The following MTMR3 variants were observed in gnomAD, a reference collection of about 807,000 sequenced individuals.
MTMR3 encodes myotubularin related protein 3, also known as phosphatidylinositol-3,5-bisphosphate 3-phosphatase MTMR3.
Under a neutral mutation model 132.4 loss-of-function variants are expected in MTMR3, and 32 were observed. That is an observed-to-expected ratio of 0.24 (90% CI 0.18 to 0.32). The LOEUF (loss-of-function observed/expected upper bound fraction) is 0.32. Among genes scored for constraint, MTMR3 ranks in the 10% least tolerant of loss-of-function variants. MTMR3 has a pLI of 1.00. For missense variants in MTMR3, 1,216 were observed against 1,489.6 expected, an observed-to-expected ratio of 0.82 and a Z score of 3.02; for synonymous variants, 556 against 550.3, an observed-to-expected ratio of 1.01 and a Z score of -0.14.
intron 3 of MTMR3, among the ~76,000 whole-genome samples, chr22:29,972,574 G>T (rs1018956570): frequency 6.6e-6 from 1 of 152,068 alleles, no homozygotes; most frequent in African/African-American, 2.4e-5. Flanking sequence ...GTTGTATTCC[G>T]TTTTCTTTTT....
chr22:30,022,285 A>G (rs1601441246), intron 18 of MTMR3, 146 bp downstream of exon 18: 5 of 654,168 alleles, frequency 7.6e-6, no homozygotes, highest in Non-Finnish European at 1.3e-5. Context: ...GCTCCTGGGA[A>G]CCCACATGAA....
intron 1 of MTMR3, among the ~76,000 whole-genome samples, chr22:29,892,009 C>T (rs2064808946): frequency 6.6e-6 from 1 of 151,904 alleles, no homozygotes; most frequent in Admixed American, 6.6e-5. Flanking sequence ...AAAAATTAGC[C>T]CAGCGTGGTG....
At chr22:29,933,928 T>G (rs2065696124) in intron 1 of MTMR3, among the ~76,000 whole-genome samples, 2 of 152,176 alleles carry the variant, frequency 1.3e-5, no homozygotes, top group Admixed American at 1.3e-4. Context: ...GATGCACTTG[T>G]GGTTGTCCAG....
intron 1 of MTMR3, among the ~76,000 whole-genome samples, chr22:29,940,235 G>A (rs959626203): frequency 6.6e-6 from 1 of 152,066 alleles, no homozygotes; most frequent in African/African-American, 2.4e-5. Context: ...GCCACTGCAC[G>A]CCAGCCTGGG....
At chr22:29,968,549 C>T (rs913805554) in intron 2 of MTMR3, among the ~76,000 whole-genome samples, 8 of 152,212 alleles carry the variant, frequency 5.3e-5, no homozygotes, top group African/African-American at 1.7e-4. Flanking sequence ...CCAATAAGTG[C>T]CTTTTTGCAC....
At chr22:29,948,284 C>T (rs577453855) in intron 1 of MTMR3, among the ~76,000 whole-genome samples, 1 of 152,262 alleles carries the variant, frequency 6.6e-6, no homozygotes, top group Admixed American at 6.5e-5. Context: ...TGGTCCTTGT[C>T]GATTTTTGAT....
chr22:29,977,001 C>T (rs879571523), intron 3 of MTMR3, among the ~76,000 whole-genome samples: 3 of 152,024 alleles, frequency 2.0e-5, no homozygotes, highest in Non-Finnish European at 2.9e-5. Flanking sequence ...TTAAAAATTG[C>T]TGTGTGGGGC....
chr22:29,954,059 C>CTTTTATTTTT (rs2066136050), intron 1 of MTMR3, among the ~76,000 whole-genome samples: 1 of 79,426 alleles, frequency 1.3e-5, no homozygotes, highest in Non-Finnish European at 2.2e-5. Context: ...TCAAATGAGT[C>CTTTTATTTTT]TTTTTTTTTT....
At chr22:29,962,923 T>TA (rs1395027786) in intron 2 of MTMR3, among the ~76,000 whole-genome samples, 1 of 150,672 alleles carries the variant, frequency 6.6e-6, no homozygotes, top group African/African-American at 2.4e-5. Context: ...TTTTTTTTTT[T>TA]TTTGAGACAG....
intron 6 of MTMR3, 72 bp from the exon 7 acceptor site, chr22:29,991,432 A>T: frequency 6.8e-7 from 1 of 1,473,022 alleles, no homozygotes; most frequent in Non-Finnish European, 9.1e-7. Flanking sequence ...GCATTCTTGA[A>T]ATAATGGCTT....
At position 30,016,536 on chromosome 22, in the gene MTMR3, G is replaced by T; in HGVS notation, c.1512G>T (p.Leu504=). The change falls in exon 15 of 20, where the codon CTG becomes CTT. Residue 504 remains leucine, a synonymous_variant. Transcript: ENST00000401950. The stretch of plus-strand genomic sequence containing the variant: ...TCATTGGACTTCCATAGGTGAAACT[G>T]GTGCAGCATACCTATTCCTGCCTGT... The part of the protein sequence containing the change: ...FEFNEAFLVK[L]VQHTYSCLFG... The T allele has an allele frequency of 6.2e-7, 1 of 1,613,712 alleles. No homozygotes were observed. The highest frequency in any genetic ancestry group is 1.1e-5 in the South Asian group (1 of 91,018).
chr22:29,936,412 T>TTA (rs2065751316), intron 1 of MTMR3, among the ~76,000 whole-genome samples: 1 of 152,156 alleles, frequency 6.6e-6, no homozygotes, highest in Non-Finnish European at 1.5e-5. Context: ...CAACATAAAC[T>TTA]TACAGCTCAG....
intron 1 of MTMR3, among the ~76,000 whole-genome samples, chr22:29,895,792 CT>C (rs1291773852): frequency 1.3e-5 from 2 of 152,124 alleles, no homozygotes; most frequent in East Asian, 3.8e-4. Context: ...ACCATGACCA[CT>C]TTTTGGTGCA....
At chr22:29,883,939 T>C (rs1229098162) in intron 1 of MTMR3, among the ~76,000 whole-genome samples, 1 of 152,206 alleles carries the variant, frequency 6.6e-6, no homozygotes, top group Non-Finnish European at 1.5e-5. Context: ...TTGGCGTAAC[T>C]GAGGGAACCC....
intron 1 of MTMR3, among the ~76,000 whole-genome samples, chr22:29,942,113 C>T (rs964077143): frequency 4.6e-5 from 7 of 152,056 alleles, no homozygotes; most frequent in Non-Finnish European, 8.8e-5. Flanking sequence ...CGATATTTCA[C>T]GTAGGTTCTT....
chr22:29,956,750 T>C (rs557943986), intron 1 of MTMR3, among the ~76,000 whole-genome samples: 1 of 152,298 alleles, frequency 6.6e-6, no homozygotes, highest in East Asian at 1.9e-4. Context: ...GATGCTTGCT[T>C]GACTGAGAAA....
At chr22:29,895,536 G>A (rs2064876947) in intron 1 of MTMR3, among the ~76,000 whole-genome samples, 1 of 152,180 alleles carries the variant, frequency 6.6e-6, no homozygotes, top group Non-Finnish European at 1.5e-5. Flanking sequence ...CGAGTGGTTA[G>A]TTGAATATGG....
intron 2 of MTMR3, among the ~76,000 whole-genome samples, chr22:29,962,910 C>CTTT (rs892383539): frequency 2.2e-5 from 3 of 133,616 alleles, no homozygotes; most frequent in Non-Finnish European, 3.2e-5. Flanking sequence ...TCTCTTTTTT[C>CTTT]TTTTTTTTTT....
chr22:30,019,741 G>C lies in MTMR3; in HGVS notation c.2082G>C (p.Gln694His). Residue 694 changes from glutamine to histidine, a missense_variant, in exon 17 of 20, where the codon CAG becomes CAC. Physicochemically the swap from Gln to His is conservative, Grantham distance 24. This residue lies in a region of MTMR3 where 852 missense variants were observed against 852.0 expected (regional missense o/e 1.00). Coordinates refer to ENST00000401950, the MANE Select transcript of MTMR3 (RefSeq NM_021090.4). The part of the protein sequence containing the change: ...VAEGQMENIL[Q>H]EATKEESGVE... ...AGGGGCAGATGGAGAACATCTTGCA[G>C]GAGGCCACCAAAGAGGAGAGTGGAG... is the stretch of plus-strand genomic sequence containing the variant. The C allele has an allele frequency of 1.2e-6, 2 of 1,614,218 alleles. No individual in the cohort carries two copies. Among genetic ancestry groups the C allele is most frequent in the South Asian group, 1.1e-5 (1 of 91,088 alleles).
Sources: allele counts gnomAD v4.1 joint callset (sites outside exome capture counted in the v4.1 genomes callset), GRCh38; gene constraint gnomAD v4.1.1; regional missense constraint gnomAD v4.1.1; transcripts MANE v1.5; gene names NCBI Gene and HGNC (gene_info 2026-07-23, HGNC 2026-07-21).